The following CIB4 variants were observed in gnomAD, a reference collection of about 807,000 sequenced individuals.
CIB4 encodes the protein calcium and integrin binding family member 4, also known as calcium and integrin-binding family member 4.
In CIB4, 25 loss-of-function variants were observed where a neutral mutation model predicts 25.8. That is an observed-to-expected ratio of 0.97 (90% confidence interval 0.71 to 1.35). The LOEUF is 1.35. Ranked by LOEUF, CIB4 falls within the 40% of genes most tolerant of loss-of-function variation. The pLI is 0.00. For synonymous variants in CIB4, 75 were observed against 81.4 expected, an observed-to-expected ratio of 0.92 and a Z score of 0.42; for missense variants, 235 against 228.2, an observed-to-expected ratio of 1.03 and a Z score of -0.19.
At chr2:26,602,960 G>A (rs938021665) in intron 3 of CIB4, among the ~76,000 whole-genome samples, 1 of 151,854 alleles carries the variant, frequency 6.6e-6, no homozygotes, top group Non-Finnish European at 1.5e-5. Flanking sequence ...GAGGGTAAAA[G>A]GGGAAGATCA....
At chr2:26,591,520 T>G (rs1475990504) in intron 4 of CIB4, among the ~76,000 whole-genome samples, 1 of 152,192 alleles carries the variant, frequency 6.6e-6, no homozygotes, top group Non-Finnish European at 1.5e-5. Context: ...CCAGGAGTCC[T>G]GCCTCACTTC....
chr2:26,581,553 A>G (rs967489895), intron 6 of CIB4, among the ~76,000 whole-genome samples, 160 bp from the exon 7 acceptor site: 30 of 151,972 alleles, frequency 2.0e-4, no homozygotes, highest in African/African-American at 7.3e-4. Context: ...GCAACCCCAA[A>G]CCTTCTTTAA....
intron 3 of CIB4, among the ~76,000 whole-genome samples, chr2:26,601,040 T>C (rs2148202171): frequency 6.6e-6 from 1 of 151,788 alleles, no homozygotes; most frequent in East Asian, 1.9e-4. Flanking sequence ...GGCAACATAA[T>C]GAGACCCTGT....
intron 4 of CIB4, among the ~76,000 whole-genome samples, chr2:26,594,753 A>G (rs1224139229): frequency 1.3e-5 from 2 of 152,120 alleles, no homozygotes; most frequent in Non-Finnish European, 2.9e-5. Flanking sequence ...ATCTCTCCCT[A>G]TCCCCTCATT....
At chr2:26,585,596 G>A (rs796609284) in intron 4 of CIB4, among the ~76,000 whole-genome samples, 9 of 152,148 alleles carry the variant, frequency 5.9e-5, no homozygotes, top group African/African-American at 2.2e-4. Context: ...GCCAGGCAGT[G>A]GTCTAAGCGC....
intron 2 of CIB4, among the ~76,000 whole-genome samples, chr2:26,630,776 G>A (rs377007407): frequency 1.2e-4 from 18 of 152,246 alleles, no homozygotes; most frequent in Non-Finnish European, 1.9e-4. Context: ...AAACGTCAGC[G>A]CAGTGTTTGG....
At chr2:26,634,919 G>A (rs1260541151) in intron 2 of CIB4, among the ~76,000 whole-genome samples, 2 of 152,344 alleles carry the variant, frequency 1.3e-5, no homozygotes, top group Admixed American at 1.3e-4. Flanking sequence ...CGAAGAGCTC[G>A]GGCTGAGCCA....
chr2:26,632,884 C>T (rs923874402), intron 2 of CIB4, among the ~76,000 whole-genome samples: 1 of 152,084 alleles, frequency 6.6e-6, no homozygotes, highest in African/African-American at 2.4e-5. Flanking sequence ...AGAACAGACC[C>T]ACTTTCAATA....
chr2:26,589,018 T>C (rs369496553), intron 4 of CIB4, among the ~76,000 whole-genome samples: 1,425 of 28,316 alleles, frequency 0.05, 127 homozygotes, highest in South Asian at 0.18. Flanking sequence ...CTTCTTCTTC[T>C]TCTTCTTCTT....
chr2:26,635,655 G>C (rs1342297018), intron 2 of CIB4, among the ~76,000 whole-genome samples: 1 of 152,140 alleles, frequency 6.6e-6, no homozygotes, highest in Non-Finnish European at 1.5e-5. Context: ...TCTGCTCCCT[G>C]AGCCAGAGAA....
chr2:26,633,053 C>T (rs1669454248), intron 2 of CIB4, among the ~76,000 whole-genome samples: 1 of 152,108 alleles, frequency 6.6e-6, no homozygotes, highest in South Asian at 2.1e-4. Flanking sequence ...TCATGCCAGT[C>T]TTGCAAGGAA....
chr2:26,640,385 T>G (rs1362789422), intron 2 of CIB4, 148 bp downstream of exon 2: 1 of 815,440 alleles, frequency 1.2e-6, no homozygotes, highest in East Asian at 2.8e-5. Context: ...CTCCCATCCC[T>G]GCCTGCCGTG....
At position 26,589,041 on chromosome 2, in the gene CIB4, CTTCTTCTTCTTCT is replaced by C. The variant is rs1668518290; in HGVS notation, c.329-5156_329-5144del. On this transcript the variant is annotated intron_variant, in intron 4 of 6. Transcript: ENST00000288861. ...TCTTCTTCTTCTTCTTCTTCTTCTTCTTCTTCTTCTTCTTCTTCCTCTTCCTCTTCCTCTTCTT... is the reference window on the plus strand; with the variant it reads ...TCTTCTTCTTCTTCTTCTTCTTCTTCTCTTCCTCTTCCTCTTCCTCTTCTT... 6.1e-5 allele frequency among the ~76,000 whole-genome samples: 3 copies of C among 49,556 alleles called. 1 individual carries two copies. Among genetic ancestry groups the C allele is most frequent in the African/African-American group, 2.5e-4 (3 of 11,964 alleles). 32.5% of individuals were successfully genotyped at this position (49,556 alleles called of 152,430 possible). A position where few individuals can be genotyped will look rare whatever the true frequency, so the allele number is the denominator to read the frequency against.
intron 3 of CIB4, among the ~76,000 whole-genome samples, chr2:26,603,693 A>T (rs577655231): frequency 2.6e-5 from 4 of 152,320 alleles, no homozygotes; most frequent in Admixed American, 2.0e-4. Context: ...TAAGACCCAC[A>T]ACCAGTAGAA....
At chr2:26,583,011 C>T (rs1668378261) in intron 5 of CIB4, 98 bp from the exon 6 acceptor site, 1 of 756,820 alleles carries the variant, frequency 1.3e-6, no homozygotes, top group Admixed American at 2.0e-5. Flanking sequence ...CAGGGGCTCT[C>T]CCACATGCTT....
In CIB4 at chr2:26,609,124, G is replaced by A. The variant is rs984969909; in HGVS notation, c.187-13807C>T. ...CGCTTTGCTGGTTTTATCGAATTACGACGGTAATGAGAAAAAGATTATTAT... is the reference window on the plus strand; with the variant it reads ...CGCTTTGCTGGTTTTATCGAATTACAACGGTAATGAGAAAAAGATTATTAT... On this transcript the variant is annotated intron_variant, in intron 3 of 6. Coordinates refer to ENST00000288861, the MANE Select transcript of CIB4 (RefSeq NM_001029881.3). Among the ~76,000 whole-genome samples, 8 of 152,184 alleles carry A rather than the reference G, an allele frequency of 5.3e-5. No homozygotes were observed. The East Asian group carries it at 5.8e-4, about 11-fold the overall frequency.
In CIB4 at chr2:26,610,050, G is replaced by A. The variant is rs112948378; in HGVS notation, c.187-14733C>T. Reference sequence around the variant, plus strand: ...AGGCTGGGTTCCGCTTGGAGTGGCAGGGCCCCGCTGTGCCTCCACGACCCT... The same window carrying A: ...AGGCTGGGTTCCGCTTGGAGTGGCAAGGCCCCGCTGTGCCTCCACGACCCT... On this transcript the variant is annotated intron_variant, in intron 3 of 6. Coordinates refer to ENST00000288861, the MANE Select transcript of CIB4 (RefSeq NM_001029881.3). Among the ~76,000 whole-genome samples the A allele has an allele frequency of 1.5e-3, 226 of 152,266 alleles. 1 individual carries two copies. Among genetic ancestry groups the A allele is most frequent in the African/African-American group, 4.8e-3 (201 of 41,548 alleles).
intron 3 of CIB4, among the ~76,000 whole-genome samples, chr2:26,621,610 T>TA (rs1181579039): frequency 6.6e-6 from 1 of 152,154 alleles, no homozygotes; most frequent in African/African-American, 2.4e-5. Context: ...ATGTAAGTTG[T>TA]AAAAACATTT....
chr2:26,617,553 G>A (rs1234172519), intron 3 of CIB4, among the ~76,000 whole-genome samples: 5 of 152,136 alleles, frequency 3.3e-5, no homozygotes, highest in South Asian at 2.1e-4. Flanking sequence ...ACCATGAAGC[G>A]GTGACTAGGG....
Sources: allele counts gnomAD v4.1 joint callset (sites outside exome capture counted in the v4.1 genomes callset), GRCh38; gene constraint gnomAD v4.1.1; transcripts MANE v1.5; gene names NCBI Gene and HGNC (gene_info 2026-07-23, HGNC 2026-07-21).